SHLD2: variants seen among roughly 807,000 people sequenced by gnomAD.
The protein encoded by SHLD2 is RINN1-REV7-interacting novel NHEJ regulator 2.
SHLD2 carries 30 observed loss-of-function variants against 73.2 expected under a neutral mutation model. That is an observed-to-expected ratio of 0.41 (90% CI 0.31 to 0.56). The LOEUF is 0.56. Among genes scored for constraint, SHLD2 ranks in the 20% least tolerant of loss-of-function variants. The pLI is 0.28. For synonymous variants in SHLD2, 285 were observed against 370.1 expected (o/e 0.77, Z 2.64); for missense variants, 745 against 1,055.9 (o/e 0.71, Z 4.08).
intron 2 of SHLD2, among the ~76,000 whole-genome samples, chr10:87,143,319 G>A (rs1845342425): frequency 2.0e-5 from 3 of 152,006 alleles, no homozygotes; most frequent in South Asian, 4.2e-4. Flanking sequence ...TTTCTTCTTC[G>A]ACCTTAGGCG....
At chr10:87,168,759 A>G (rs888620388) in intron 4 of SHLD2, among the ~76,000 whole-genome samples, 1 of 152,148 alleles carries the variant, frequency 6.6e-6, no homozygotes, top group Non-Finnish European at 1.5e-5. Context: ...AGAGGTGGCA[A>G]CAATACACAC....
At position 87,148,608 on chromosome 10, in the gene SHLD2, C is replaced by T. The variant is rs186981126; in HGVS notation, c.-5-2742C>T. ...TTTAAAGATTTGTAGCTGAGCGTGA[C>T]AGTATGTATCTGTAGTCCCAGCTAT... On this transcript the variant is annotated intron_variant, in intron 2 of 9. Coordinates refer to ENST00000298786, the MANE Select transcript of SHLD2 (RefSeq NM_001330112.2). 3.9e-3 allele frequency among the ~76,000 whole-genome samples: 584 copies of T among 150,102 alleles called. 4 individuals carry two copies. The highest frequency in any genetic ancestry group is 0.013 in the African/African-American group (520 of 40,690).
intron 4 of SHLD2, among the ~76,000 whole-genome samples, chr10:87,166,149 G>A (rs1352677674): frequency 6.6e-6 from 1 of 151,926 alleles, no homozygotes; most frequent in African/African-American, 2.4e-5. Context: ...CTTCAACACC[G>A]TATTAGAGTT....
rs1848672784 is a variant in SHLD2 at position 87,187,171 on chromosome 10, T to A, written c.2486T>A (p.Ile829Asn). ...SKLIEKILLNISADCLNRVIV... is the reference protein window; with the variant it reads ...SKLIEKILLNNSADCLNRVIV... ...CTGATAGAGAAGATTCTTCTCAACA[T>A]TTCTGCAGACTGCCTCAACAGAGTG... The change falls in exon 9 of 10, where the codon ATT becomes AAT. Residue 829 changes from isoleucine (I) to asparagine (N), a missense_variant. Ile to Asn is a moderately radical substitution (Grantham distance 149). Transcript: ENST00000298786. 1 of 1,611,336 alleles carries A rather than the reference T, an allele frequency of 6.2e-7. No homozygotes were observed. Among genetic ancestry groups the A allele is most frequent in the East Asian group, 2.2e-5 (1 of 44,822 alleles).
intron 2 of SHLD2, among the ~76,000 whole-genome samples, chr10:87,124,635 T>C (rs1012069142): frequency 2.6e-5 from 4 of 152,244 alleles, no homozygotes; most frequent in Non-Finnish European, 5.9e-5. Flanking sequence ...GTGTCTCTGC[T>C]GCTGTCGCTC....
chr10:87,183,624 C>A (rs1848442442), intron 8 of SHLD2, among the ~76,000 whole-genome samples: 2 of 152,136 alleles, frequency 1.3e-5, no homozygotes, highest in Admixed American at 1.3e-4. Flanking sequence ...TAAATATACT[C>A]TCTCTCCCCT....
intron 2 of SHLD2, among the ~76,000 whole-genome samples, chr10:87,102,215 G>T (rs1363123732): frequency 6.6e-6 from 1 of 152,104 alleles, no homozygotes; most frequent in African/African-American, 2.4e-5. Context: ...CTATTACAAA[G>T]AACAGTTCTC....
At chr10:87,189,727 A>G (rs1848909533) in intron 9 of SHLD2, among the ~76,000 whole-genome samples, 1 of 152,192 alleles carries the variant, frequency 6.6e-6, no homozygotes, top group African/African-American at 2.4e-5. Flanking sequence ...ATGTCCTAAA[A>G]AAGTGAGGGG....
At position 87,119,709 on chromosome 10, in the gene SHLD2, C is replaced by T. The variant is rs868555957; in HGVS notation, c.-6+22720C>T. 6.6e-5 allele frequency among the ~76,000 whole-genome samples: 10 copies of T among 150,818 alleles called. No homozygotes were observed. In the Middle Eastern group the frequency reaches 0.01, roughly 156 times the overall value. ...AGGAGAATCACTTGAACCCGGGAGG[C>T]GGAGGTTGCAGTGAGCCAAGATCGC... On this transcript the variant is annotated intron_variant, in intron 2 of 9. Coordinates refer to ENST00000298786, the MANE Select transcript of SHLD2 (RefSeq NM_001330112.2).
At chr10:87,145,780 ACTGAAGCGGCTTT>A (rs1423103306) in intron 2 of SHLD2, among the ~76,000 whole-genome samples, 4 of 146,992 alleles carry the variant, frequency 2.7e-5, no homozygotes, top group African/African-American at 1.0e-4. Flanking sequence ...GGTTTTTCCG[ACTGAAGCGGCTTT>A]CTGCAGATTG....
intron 3 of SHLD2, among the ~76,000 whole-genome samples, chr10:87,156,870 T>C (rs910689452): frequency 1.4e-4 from 22 of 152,134 alleles, no homozygotes; most frequent in Non-Finnish European, 2.9e-5. Flanking sequence ...TGCTCTGATA[T>C]ATCACTCGCC....
At chr10:87,104,248 A>G (rs1842455482) in intron 2 of SHLD2, among the ~76,000 whole-genome samples, 1 of 148,174 alleles carries the variant, frequency 6.7e-6, no homozygotes, top group South Asian at 2.1e-4. Flanking sequence ...AAAAAGAAAA[A>G]AAAAAAAAAA....
intron 2 of SHLD2, among the ~76,000 whole-genome samples, chr10:87,115,050 T>G (rs532939127): frequency 6.6e-6 from 1 of 151,956 alleles, no homozygotes; most frequent in South Asian, 2.1e-4. Flanking sequence ...TAAGTCATAT[T>G]TATTTATTTA....
chr10:87,128,887 A>G (rs1451429326), intron 2 of SHLD2, among the ~76,000 whole-genome samples: 1 of 151,532 alleles, frequency 6.6e-6, no homozygotes, highest in African/African-American at 2.4e-5. Flanking sequence ...AAATTTATTT[A>G]TGTATTTTTA....
intron 9 of SHLD2, among the ~76,000 whole-genome samples, chr10:87,189,695 A>G (rs1189526932): frequency 1.3e-5 from 2 of 152,226 alleles, no homozygotes; most frequent in Non-Finnish European, 2.9e-5. Flanking sequence ...GTATTGAACA[A>G]CCTGCCAAAT....
intron 2 of SHLD2, among the ~76,000 whole-genome samples, chr10:87,098,397 C>T (rs1410342865): frequency 6.6e-6 from 1 of 151,768 alleles, no homozygotes; most frequent in East Asian, 2.0e-4. Flanking sequence ...CCTGTAATCC[C>T]AGCTACTCAG....
Position 87,151,276 on chromosome 10 carries a change from A to G in SHLD2, c.-5-74A>G, listed in dbSNP as rs544524798. On this transcript the variant is annotated intron_variant, in intron 2 of 9. Transcript: ENST00000298786. ...TGACTCAGTTATATTTTCTTTTGGT[A>G]CATTATTAAGTTAATATCCATATGC... The G allele has an allele frequency of 4.9e-5, 34 of 696,230 alleles. No individual in the cohort carries two copies. In the African/African-American group the frequency reaches 5.7e-4, roughly 12 times the overall value. 43.1% of individuals were successfully genotyped at this position (696,230 alleles called of 1,614,324 possible).
intron 2 of SHLD2, among the ~76,000 whole-genome samples, chr10:87,140,327 T>C (rs905517441): frequency 2.7e-5 from 4 of 148,410 alleles, no homozygotes; most frequent in Admixed American, 2.1e-4. Flanking sequence ...GGCTGAAGCA[T>C]GAGAATTGCT....
intron 2 of SHLD2, among the ~76,000 whole-genome samples, chr10:87,111,876 G>A (rs1362548956): frequency 6.6e-6 from 1 of 152,052 alleles, no homozygotes; most frequent in Non-Finnish European, 1.5e-5. Flanking sequence ...TATCTGTTAA[G>A]GGTCTAGTAT....
Sources: allele counts gnomAD v4.1 joint callset (sites outside exome capture counted in the v4.1 genomes callset), GRCh38; gene constraint gnomAD v4.1.1; transcripts MANE v1.5; gene names NCBI Gene and HGNC (gene_info 2026-07-23, HGNC 2026-07-21).